CERS4: variants seen among roughly 807,000 people sequenced by gnomAD.
CERS4 encodes the protein ceramide synthase 4, also known as LAG1 homolog, ceramide synthase 4.
In CERS4, 65 loss-of-function variants were observed where a neutral mutation model predicts 51.8. The observed-to-expected ratio is 1.26, with a 90% CI of 1.03 to 1.54. The LOEUF (loss-of-function observed/expected upper bound fraction) is 1.54, where lower values mean the gene tolerates loss of function less well. Ranked by LOEUF, CERS4 falls within the 40% of genes most tolerant of loss-of-function variation. CERS4 has a pLI of 0.00. For synonymous variants in CERS4, 228 were observed against 208.4 expected, an observed-to-expected ratio of 1.09 and a Z score of -0.81; for missense variants, 563 against 500.4, an observed-to-expected ratio of 1.13 and a Z score of -1.19.
chr19:8,214,761 A>G (rs1436845005), intron 2 of CERS4, among the ~76,000 whole-genome samples: 1 of 151,978 alleles, frequency 6.6e-6, no homozygotes, highest in Non-Finnish European at 1.5e-5. Flanking sequence ...AGGAGGAAGG[A>G]GAGGAGGACT....
chr19:8,249,283 A>G (rs1275839796), intron 2 of CERS4, among the ~76,000 whole-genome samples: 1 of 152,030 alleles, frequency 6.6e-6, no homozygotes, highest in Non-Finnish European at 1.5e-5. Flanking sequence ...ATAGATGGAC[A>G]GGGGGATGCG....
At chr19:8,251,426 T>G (rs17160333) in intron 3 of CERS4, among the ~76,000 whole-genome samples, 177 bp downstream of exon 3, 1 of 152,124 alleles carries the variant, frequency 6.6e-6, no homozygotes, top group Non-Finnish European at 1.5e-5. Flanking sequence ...TGGCCTCTGA[T>G]GGCTGGTTTA....
chr19:8,222,468 C>A (rs2145184196), intron 2 of CERS4, among the ~76,000 whole-genome samples: 1 of 152,118 alleles, frequency 6.6e-6, no homozygotes, highest in East Asian at 1.9e-4. Context: ...GCGTGAGTCA[C>A]TGTGCCTGGC....
chr19:8,214,341 C>T (rs920662051), intron 2 of CERS4: 3 of 152,350 alleles, frequency 2.0e-5, no homozygotes, highest in Admixed American at 6.6e-5. Context: ...CCACAGGAAG[C>T]CTTACGGAGC....
chr19:8,237,799 C>T (rs1278760695), intron 2 of CERS4, among the ~76,000 whole-genome samples: 5 of 151,940 alleles, frequency 3.3e-5, no homozygotes, highest in Non-Finnish European at 1.5e-5. Context: ...TGCAGTGAGC[C>T]GAGATTGCGC....
rs540446041 is a variant in CERS4 at position 8,210,738 on chromosome 19, G to A, written c.-126G>A. The A allele has an allele frequency of 6.6e-6, 1 of 152,392 alleles. No individual in the cohort carries two copies. Among genetic ancestry groups the A allele is most frequent in the African/African-American group, 2.4e-5 (1 of 41,564 alleles). 9.4% of individuals were successfully genotyped at this position (152,392 alleles called of 1,614,324 possible). A position where few individuals can be genotyped will look rare whatever the true frequency, so the allele number is the denominator to read the frequency against. On this transcript the variant is annotated 5_prime_UTR_variant, in exon 2 of 12. Transcript: ENST00000251363. This position sits in a 1 kb window ranked among gnomAD's most constrained non-coding sequence, Gnocchi z 4.2. The stretch of plus-strand genomic sequence containing the variant: ...TGCTGTGAATAAACACAGAAGTGGA[G>A]CTGGGGGACTGATTAGAAGCCTCAT...
chr19:8,260,532 G>GGA (rs1969629518), intron 10 of CERS4, among the ~76,000 whole-genome samples: 1 of 89,804 alleles, frequency 1.1e-5, no homozygotes, highest in East Asian at 3.6e-4. Flanking sequence ...GGAGTTCCAA[G>GGA]GAAAAAAAAA....
At chr19:8,239,631 CTGAG>C (rs1968439177) in intron 2 of CERS4, 1 of 152,198 alleles carries the variant, frequency 6.6e-6, no homozygotes, top group Admixed American at 6.6e-5. Flanking sequence ...CCCTTGCTGA[CTGAG>C]TGACCTGTGA....
intron 2 of CERS4, among the ~76,000 whole-genome samples, chr19:8,225,854 G>A (rs1335459846): frequency 1.7e-5 from 1 of 59,356 alleles, no homozygotes; most frequent in African/African-American, 5.4e-5. Context: ...ATGTGACCCT[G>A]TGTAGGTGAT....
rs938852102 is a variant in CERS4 at position 8,232,393 on chromosome 19, C to T, written c.-1-18683C>T. ...GCAACCTCTGCCTTCCAGGTTTAAG[C>T]GATTCTCCTGCCTCAGCCTCCCTAG... On this transcript the variant is annotated intron_variant, in intron 2 of 11. Transcript: ENST00000251363. 7.3e-5 allele frequency among the ~76,000 whole-genome samples: 11 copies of T among 151,628 alleles called. No homozygotes were observed. The South Asian group carries it at 1.5e-3, about 20-fold the overall frequency.
At chr19:8,254,420 C>A in intron 3 of CERS4, 79 bp from the exon 4 acceptor site, 1 of 1,344,306 alleles carries the variant, frequency 7.4e-7, no homozygotes, top group Non-Finnish European at 1.1e-6. Flanking sequence ...GTTATCCCAC[C>A]GGCAGCATGT....
At chr19:8,232,013 A>G (rs1968033701) in intron 2 of CERS4, among the ~76,000 whole-genome samples, 2 of 146,940 alleles carry the variant, frequency 1.4e-5, no homozygotes, top group East Asian at 2.0e-4. Flanking sequence ...TTTTTTTGGT[A>G]GAGACAGGGT....
At chr19:8,240,406 C>T (rs545125895) in intron 2 of CERS4, 2 of 152,278 alleles carry the variant, frequency 1.3e-5, no homozygotes, top group Admixed American at 1.3e-4. Flanking sequence ...GTGGAAGAGA[C>T]AGGTCCGTCT....
intron 2 of CERS4, among the ~76,000 whole-genome samples, chr19:8,219,864 T>A (rs888932981): frequency 6.6e-6 from 1 of 150,996 alleles, no homozygotes; most frequent in African/African-American, 2.4e-5. Flanking sequence ...GTGCCTGTAG[T>A]CTCAGCTATT....
intron 10 of CERS4, among the ~76,000 whole-genome samples, chr19:8,259,018 C>T (rs557684060): frequency 2.6e-4 from 39 of 152,144 alleles, no homozygotes; most frequent in African/African-American, 8.4e-4. Flanking sequence ...CCCGTAATCC[C>T]AGCTACTCGG....
chr19:8,219,268 G>A (rs1967432356), intron 2 of CERS4, among the ~76,000 whole-genome samples: 2 of 152,202 alleles, frequency 1.3e-5, no homozygotes, highest in African/African-American at 2.4e-5. Context: ...CCACCCTGCA[G>A]GATAGGAGCA....
chr19:8,248,573 G>T (rs2145279109), intron 2 of CERS4, among the ~76,000 whole-genome samples: 1 of 151,522 alleles, frequency 6.6e-6, no homozygotes, highest in South Asian at 2.1e-4. Flanking sequence ...TGGGTGGACA[G>T]ATGGATGATG....
chr19:8,258,050 T>C (rs1397687750), intron 10 of CERS4, 65 bp downstream of exon 10: 1 of 1,240,408 alleles, frequency 8.1e-7, no homozygotes, highest in Admixed American at 1.7e-5. Context: ...CAGGACTGCC[T>C]CACCATTGGT....
At chr19:8,222,889 C>T (rs1397450165) in intron 2 of CERS4, among the ~76,000 whole-genome samples, 1 of 152,140 alleles carries the variant, frequency 6.6e-6, no homozygotes, top group African/African-American at 2.4e-5. Flanking sequence ...AAGCCTGAAA[C>T]TGGAGCTTGG....
Sources: allele counts gnomAD v4.1 joint callset (sites outside exome capture counted in the v4.1 genomes callset), GRCh38; gene constraint gnomAD v4.1.1; non-coding constraint Gnocchi (gnomAD v3.1); transcripts MANE v1.5; gene names NCBI Gene and HGNC (gene_info 2026-07-23, HGNC 2026-07-21).